TCF12: variants seen among roughly 807,000 people sequenced by gnomAD.
TCF12 encodes transcription factor 12, also known as DNA-binding protein HTF4.
A neutral mutation model predicts 86.0 loss-of-function variants in TCF12; 45 were observed. The observed-to-expected ratio is 0.52, with a 90% CI of 0.41 to 0.67. TCF12 has a LOEUF of 0.67. Ranked by LOEUF, TCF12 falls within the 30% of genes least tolerant of loss-of-function variation. The pLI, the probability that TCF12 is intolerant of heterozygous loss-of-function variation, is 0.00. For synonymous variants in TCF12, 330 were observed against 299.6 expected (o/e 1.10, Z -1.05); for missense variants, 881 against 859.9 (o/e 1.02, Z -0.31).
chr15:57,219,918 G>A (rs1463342289), intron 8 of TCF12, among the ~76,000 whole-genome samples: 5 of 151,898 alleles, frequency 3.3e-5, no homozygotes, highest in African/African-American at 1.2e-4. Flanking sequence ...TAGAGACGCG[G>A]TTTTATCATG....
chr15:57,040,091 T>C (rs1208902421), intron 3 of TCF12, among the ~76,000 whole-genome samples: 3 of 152,204 alleles, frequency 2.0e-5, no homozygotes, highest in African/African-American at 7.2e-5. Flanking sequence ...AACTTGTAAA[T>C]AATATTCAAA....
intron 3 of TCF12, among the ~76,000 whole-genome samples, chr15:57,060,751 T>A (rs2068402659): frequency 6.6e-6 from 1 of 152,248 alleles, no homozygotes; most frequent in African/African-American, 2.4e-5. Context: ...AGGTATTTTT[T>A]TCAGATTTTG....
intron 4 of TCF12, among the ~76,000 whole-genome samples, chr15:57,065,137 A>G (rs1227141115): frequency 6.6e-6 from 1 of 152,188 alleles, no homozygotes; most frequent in East Asian, 1.9e-4. Flanking sequence ...ATGGAATCCA[A>G]AAAGATATAT....
At chr15:56,951,025 G>A (rs28856894) in intron 3 of TCF12, among the ~76,000 whole-genome samples, 33,197 of 151,608 alleles carry the variant, frequency 0.22, 4,084 homozygotes, top group African/African-American at 0.33. Flanking sequence ...CAAAGTGCTG[G>A]GATTACAGAT....
At chr15:56,976,853 C>T (rs1407737869) in intron 3 of TCF12, among the ~76,000 whole-genome samples, 1 of 152,142 alleles carries the variant, frequency 6.6e-6, no homozygotes, top group Non-Finnish European at 1.5e-5. Context: ...TTGTGGGACA[C>T]TGTATAGCAC....
chr15:57,177,725 A>ATTTT (rs2056053921), intron 6 of TCF12, among the ~76,000 whole-genome samples: 1 of 149,296 alleles, frequency 6.7e-6, no homozygotes. Context: ...TTATTTATTT[A>ATTTT]TTTATTTATT....
chr15:56,961,370 A>G (rs2061744621), intron 3 of TCF12, among the ~76,000 whole-genome samples: 2 of 152,194 alleles, frequency 1.3e-5, no homozygotes, highest in South Asian at 4.1e-4. Flanking sequence ...GAGCAAATGG[A>G]TTAACATGTC....
At chr15:57,197,892 C>CT in intron 8 of TCF12, 67 bp downstream of exon 8, 1 of 1,511,582 alleles carries the variant, frequency 6.6e-7, no homozygotes, top group South Asian at 1.2e-5. Context: ...TATTACCTTG[C>CT]TACAAGGGTA....
chr15:57,020,491 G>A (rs1174210491), intron 3 of TCF12, among the ~76,000 whole-genome samples: 1 of 152,106 alleles, frequency 6.6e-6, no homozygotes, highest in Non-Finnish European at 1.5e-5. Flanking sequence ...GACACCTATT[G>A]TTATTTAACC....
At chr15:57,040,247 T>G (rs2141440135) in intron 3 of TCF12, among the ~76,000 whole-genome samples, 1 of 152,346 alleles carries the variant, frequency 6.6e-6, no homozygotes, top group East Asian at 1.9e-4. Flanking sequence ...CATTAATTTA[T>G]CGTTCAATCT....
chr15:56,998,080 G>A (rs1205418622), intron 3 of TCF12, among the ~76,000 whole-genome samples: 1 of 152,150 alleles, frequency 6.6e-6, no homozygotes, highest in Admixed American at 6.5e-5. Context: ...GAGAAATAGG[G>A]AATTCAATAA....
At chr15:57,181,409 A>G (rs1399688824) in intron 6 of TCF12, among the ~76,000 whole-genome samples, 1 of 146,524 alleles carries the variant, frequency 6.8e-6, no homozygotes, top group African/African-American at 2.5e-5. Flanking sequence ...TTTTGAGAAT[A>G]AAGAATATCC....
chr15:57,158,125 T>C (rs963663011), intron 5 of TCF12, among the ~76,000 whole-genome samples: 20 of 151,756 alleles, frequency 1.3e-4, no homozygotes, highest in African/African-American at 4.6e-4. Context: ...GGTAGTTGAG[T>C]TGGTGAATGT....
chr15:57,069,117 T>G (rs754317251), intron 4 of TCF12, among the ~76,000 whole-genome samples: 19 of 152,178 alleles, frequency 1.2e-4, no homozygotes, highest in Non-Finnish European at 2.2e-4. Context: ...GAGTAGAGTA[T>G]TAAAGTACCA....
intron 3 of TCF12, among the ~76,000 whole-genome samples, chr15:57,047,090 G>A (rs1333938509): frequency 1.3e-5 from 2 of 152,170 alleles, no homozygotes; most frequent in Admixed American, 1.3e-4. Flanking sequence ...TCAGCTAAAG[G>A]ACACAGAGCA....
intron 3 of TCF12, among the ~76,000 whole-genome samples, chr15:57,058,027 A>C (rs1187790031): frequency 1.3e-5 from 2 of 152,058 alleles, no homozygotes; most frequent in African/African-American, 4.8e-5. Context: ...TTGACAGCTA[A>C]TTTAGGGGAG....
chr15:56,918,131 G>C (rs1217026767), upstream of TCF12: 6 of 447,452 alleles, frequency 1.3e-5, no homozygotes, highest in Admixed American at 9.7e-5. Context: ...CCACACGCGC[G>C]GTGTCTGCGC....
intron 4 of TCF12, among the ~76,000 whole-genome samples, chr15:57,067,146 A>G (rs370796042): frequency 9.2e-5 from 14 of 152,232 alleles, no homozygotes; most frequent in East Asian, 3.8e-4. Context: ...GTAGCCTCGC[A>G]GTTTAGAGGT....
At chr15:57,007,968 T>G (rs1304130866) in intron 3 of TCF12, among the ~76,000 whole-genome samples, 1 of 148,996 alleles carries the variant, frequency 6.7e-6, no homozygotes, top group African/African-American at 2.5e-5. Flanking sequence ...TCTGTCTCTC[T>G]CTCTCTCTCG....
Sources: gnomAD v4.1 joint callset for allele counts (sites outside exome capture counted in the v4.1 genomes callset) on GRCh38, gnomAD v4.1.1 for gene constraint, MANE v1.5 for transcripts, NCBI Gene and HGNC (gene_info 2026-07-23, HGNC 2026-07-21) for gene names.